ERN1: variants seen among roughly 807,000 people sequenced by gnomAD.
ERN1 encodes the protein serine/threonine-protein kinase/endoribonuclease IRE1.
Under a neutral mutation model 113.1 loss-of-function variants are expected in ERN1, and 39 were observed. The ratio of observed to expected loss-of-function variants is 0.34; its 90% CI spans 0.27 to 0.45. ERN1 has a LOEUF of 0.45. Among genes scored for constraint, ERN1 ranks in the 20% least tolerant of loss-of-function variants. ERN1 has a pLI of 1.00. For synonymous variants in ERN1, 507 were observed against 515.9 expected, an observed-to-expected ratio of 0.98 and a Z score of 0.23; for missense variants, 976 against 1,274.8, an observed-to-expected ratio of 0.77 and a Z score of 3.57.
chr17:64,093,583 C>T (rs954254791), intron 2 of ERN1, among the ~76,000 whole-genome samples: 1 of 152,172 alleles, frequency 6.6e-6, no homozygotes, highest in Non-Finnish European at 1.5e-5. Flanking sequence ...TGCAGACGGC[C>T]ACCTTCTCAC....
At chr17:64,123,284 G>A (rs897463072) in intron 1 of ERN1, among the ~76,000 whole-genome samples, 2 of 152,154 alleles carry the variant, frequency 1.3e-5, no homozygotes, top group African/African-American at 4.8e-5. Context: ...GTATTTCAGG[G>A]TGCTCATGGG....
chr17:64,048,403 T>C (rs1912579852), intron 18 of ERN1, among the ~76,000 whole-genome samples: 3 of 152,214 alleles, frequency 2.0e-5, no homozygotes, highest in Non-Finnish European at 4.4e-5. Context: ...GAATAACGTA[T>C]ATGCAAAGGT....
chr17:64,046,719 C>A (rs1912525675), intron 19 of ERN1, among the ~76,000 whole-genome samples: 1 of 152,182 alleles, frequency 6.6e-6, no homozygotes, highest in Non-Finnish European at 1.5e-5. Context: ...CTGGCCAAGG[C>A]CCCAGTCAGA....
chr17:64,104,098 CA>C (rs1914457800), intron 1 of ERN1, among the ~76,000 whole-genome samples: 1 of 151,950 alleles, frequency 6.6e-6, no homozygotes, highest in African/African-American at 2.4e-5. Flanking sequence ...ATTAATTTGC[CA>C]GGTGTTGTGG....
chr17:64,052,683 G>C (rs7217455), intron 17 of ERN1, 97 bp downstream of exon 17: 2 of 1,090,230 alleles, frequency 1.8e-6, no homozygotes, highest in East Asian at 5.1e-5. Context: ...CCAGCTACAC[G>C]GGCACCAGCC....
intron 2 of ERN1, among the ~76,000 whole-genome samples, chr17:64,086,997 A>T (rs896684851): frequency 1.3e-5 from 2 of 152,112 alleles, no homozygotes; most frequent in Non-Finnish European, 2.9e-5. Context: ...CCTCTGACAA[A>T]AAATTGACAA....
chr17:64,076,259 T>C (rs1180694384), intron 4 of ERN1, among the ~76,000 whole-genome samples: 1 of 152,248 alleles, frequency 6.6e-6, no homozygotes, highest in African/African-American at 2.4e-5. Context: ...GAAATGCCTC[T>C]ACTGCATGGT....
rs35866313 is a variant in ERN1 at position 64,068,129 on chromosome 17, T to C, written c.580+61A>G. The C allele has an allele frequency of 1.2e-4, 143 of 1,182,080 alleles. 2 individuals are homozygous for C. The East Asian group carries it at 3.6e-3, about 29-fold the overall frequency. The allele number at this position is 1,182,080 out of a possible 1,614,324, so 73.2% of individuals were successfully genotyped here. A position where few individuals can be genotyped will look rare whatever the true frequency, so the allele number is the denominator to read the frequency against. The stretch of plus-strand genomic sequence containing the variant: ...AGAAAATCCTACTTTCTGGAGCCAC[T>C]GTTTCCACATAGGTCAAAAGTACTG... On this transcript the variant is annotated intron_variant, in intron 7 of 21. Transcript: ENST00000433197.
chr17:64,102,547 T>TC lies in ERN1; in HGVS notation c.55-4307dup, dbSNP rs1474090088. 19 of 656,000 alleles carry TC rather than the reference T, an allele frequency of 2.9e-5. 1 individual carries two copies. In the South Asian group the frequency reaches 8.1e-4, roughly 28 times the overall value. 40.6% of individuals were successfully genotyped at this position (656,000 alleles called of 1,614,324 possible). A position where few individuals can be genotyped will look rare whatever the true frequency, so the allele number is the denominator to read the frequency against. ...AAAAATGACAAATTTTCTGGCTTTT[T>TC]CCCCTCTGGCATTTTTAAAAGCATG... On this transcript the variant is annotated intron_variant, in intron 1 of 21. Transcript: ENST00000433197.
intron 4 of ERN1, among the ~76,000 whole-genome samples, chr17:64,075,549 C>G (rs1352263901): frequency 6.6e-6 from 1 of 152,188 alleles, no homozygotes; most frequent in Admixed American, 6.5e-5. Context: ...TCTCTCACCT[C>G]AGCCTCCCAA....
Position 64,055,675 on chromosome 17 carries a change from C to T in ERN1, c.1672G>A (p.Asp558Asn), listed in dbSNP as rs1912838382. Residue 558 changes from aspartate to asparagine, a missense_variant and splice_region_variant, in exon 13 of 22, where the codon GAT becomes AAT. Coordinates refer to ENST00000433197, the MANE Select transcript of ERN1 (RefSeq NM_001433.5). ...SSPSLEQDDG[D>N]EETSVVIVGK... Reference sequence around the variant, plus strand: ...GCACCAAGATGGCAACTGGCTTTACCTCCATCGTCTTGTTCCAGGGAGGGG... The same window carrying T: ...GCACCAAGATGGCAACTGGCTTTACTTCCATCGTCTTGTTCCAGGGAGGGG... 6.4e-7 allele frequency: 1 copy of T among 1,572,720 alleles called. No homozygotes were observed. Among genetic ancestry groups the T allele is most frequent in the African/African-American group, 1.4e-5 (1 of 73,404 alleles).
At chr17:64,058,986 T>G (rs1008385926) in intron 11 of ERN1, among the ~76,000 whole-genome samples, 2 of 151,972 alleles carry the variant, frequency 1.3e-5, no homozygotes, top group Admixed American at 6.6e-5. Flanking sequence ...CACCTGAGAG[T>G]ATTTTAAAAC....
intron 11 of ERN1, 148 bp downstream of exon 11, chr17:64,060,321 A>G (rs1913011917): frequency 3.2e-6 from 2 of 626,140 alleles, no homozygotes; most frequent in Non-Finnish European, 5.8e-6. Flanking sequence ...CTAGCCCTTA[A>G]CCATTTATGT....
rs1913459121 is a variant in ERN1, at chr17:64,072,718, G to T, written c.356-615C>A. ...CCATACCCCCTAATCTTGGTCAGCT[G>T]ATTATGACAGGCAGACAGCACAGTA... On this transcript the variant is annotated intron_variant, in intron 5 of 21. Transcript: ENST00000433197. 2.6e-5 allele frequency among the ~76,000 whole-genome samples: 4 copies of T among 152,348 alleles called. No homozygotes were observed. In the South Asian group the frequency reaches 8.3e-4, roughly 32 times the overall value.
intron 1 of ERN1, among the ~76,000 whole-genome samples, chr17:64,125,527 T>C (rs1018385841): frequency 1.3e-5 from 2 of 152,204 alleles, no homozygotes; most frequent in Non-Finnish European, 2.9e-5. Flanking sequence ...CTCGCTCTGT[T>C]GCCAAGGCTG....
At chr17:64,090,174 A>AT (rs143336688) in intron 2 of ERN1, among the ~76,000 whole-genome samples, 69 of 151,696 alleles carry the variant, frequency 4.5e-4, no homozygotes, top group East Asian at 3.9e-3. Context: ...TGAGGAAAGC[A>AT]TTTTTTTTTA....
intron 1 of ERN1, among the ~76,000 whole-genome samples, chr17:64,113,786 C>T (rs1173227859): frequency 1.3e-5 from 2 of 152,066 alleles, no homozygotes; most frequent in East Asian, 3.9e-4. Context: ...TGGGTTCAAG[C>T]AATTCTCTGC....
chr17:64,105,085 G>C (rs1376693328), intron 1 of ERN1, among the ~76,000 whole-genome samples: 1 of 152,088 alleles, frequency 6.6e-6, no homozygotes, highest in East Asian at 1.9e-4. Context: ...CATGTAAATG[G>C]ATCAAGTCCA....
At chr17:64,097,989 T>C (rs1367909118) in intron 2 of ERN1, 132 bp downstream of exon 2, 1 of 1,220,808 alleles carries the variant, frequency 8.2e-7, no homozygotes, top group Non-Finnish European at 1.1e-6. Context: ...TTTTCCTCTC[T>C]TGATCCCATT....
Sources: gnomAD v4.1 joint callset for allele counts (sites outside exome capture counted in the v4.1 genomes callset) on GRCh38, gnomAD v4.1.1 for gene constraint, MANE v1.5 for transcripts, NCBI Gene and HGNC (gene_info 2026-07-23, HGNC 2026-07-21) for gene names.